Variants in ZFPM2 observed in about 807,000 individuals in gnomAD.
ZFPM2 encodes zinc finger protein, FOG family member 2.
A neutral mutation model predicts 98.6 loss-of-function variants in ZFPM2; 20 were observed. That is an observed-to-expected ratio of 0.20 (90% confidence interval 0.14 to 0.29). The LOEUF (loss-of-function observed/expected upper bound fraction) is 0.29, where lower values mean the gene tolerates loss of function less well. Ranked by LOEUF, ZFPM2 falls within the 10% of genes least tolerant of loss-of-function variation. The pLI is 1.00. For missense variants in ZFPM2, 1,310 were observed against 1,388.6 expected (o/e 0.94, Z 0.90); for synonymous variants, 518 against 502.7 (o/e 1.03, Z -0.41).
At chr8:105,726,156 C>T (rs1461529600) in intron 5 of ZFPM2, among the ~76,000 whole-genome samples, 1 of 151,330 alleles carries the variant, frequency 6.6e-6, no homozygotes, top group African/African-American at 2.4e-5. Context: ...CAGTAGGCTG[C>T]GTCTGGCTCA....
intron 3 of ZFPM2, among the ~76,000 whole-genome samples, chr8:105,466,205 G>A (rs1812793383): frequency 6.6e-6 from 1 of 151,880 alleles, no homozygotes; most frequent in African/African-American, 2.4e-5. Context: ...TAGGGGGATG[G>A]ATGTGTTAGC....
chr8:105,699,670 T>C (rs1811097223), intron 5 of ZFPM2, among the ~76,000 whole-genome samples: 1 of 152,166 alleles, frequency 6.6e-6, no homozygotes, highest in South Asian at 2.1e-4. Flanking sequence ...ATTAATGCGC[T>C]GTAACTGTGA....
At chr8:105,598,944 T>C (rs1263996872) in intron 4 of ZFPM2, among the ~76,000 whole-genome samples, 1 of 152,184 alleles carries the variant, frequency 6.6e-6, no homozygotes, top group African/African-American at 2.4e-5. Context: ...AGCAAGACAC[T>C]GCATGTGGTC....
intron 5 of ZFPM2, among the ~76,000 whole-genome samples, chr8:105,723,615 G>A (rs1379816854): frequency 6.6e-6 from 1 of 151,774 alleles, no homozygotes; most frequent in African/African-American, 2.4e-5. Flanking sequence ...AGAAAAAAAG[G>A]GTTCTCATTG....
At position 105,423,735 on chromosome 8, in the gene ZFPM2, T is replaced by A. The variant is rs113312301; in HGVS notation, c.199+4433T>A. 5.3e-3 allele frequency among the ~76,000 whole-genome samples: 814 copies of A among 152,220 alleles called. 4 individuals are homozygous for A. Among genetic ancestry groups the A allele is most frequent in the African/African-American group, 0.018 (762 of 41,526 alleles). Reference sequence around the variant, plus strand: ...AAACCAATATGAACAGAAATATAGGTGGTCTGGAAAGCAACCTTGGGAGTT... The same window carrying A: ...AAACCAATATGAACAGAAATATAGGAGGTCTGGAAAGCAACCTTGGGAGTT... On this transcript the variant is annotated intron_variant, in intron 2 of 7. Coordinates refer to ENST00000407775, the MANE Select transcript of ZFPM2 (RefSeq NM_012082.4).
At chr8:105,494,229 T>TATATATATAAA (rs1563684629) in intron 3 of ZFPM2, among the ~76,000 whole-genome samples, 2 of 85,978 alleles carry the variant, frequency 2.3e-5, no homozygotes, top group African/African-American at 8.4e-5. Context: ...ATATATATAA[T>TATATATATAAA]CTCAAACTCA....
At chr8:105,344,855 A>G (rs959428633) in intron 1 of ZFPM2, among the ~76,000 whole-genome samples, 2 of 152,220 alleles carry the variant, frequency 1.3e-5, no homozygotes, top group African/African-American at 4.8e-5. Flanking sequence ...TGAAGAAATC[A>G]TTAAAACTAA....
At position 105,342,470 on chromosome 8, in the gene ZFPM2, G is replaced by A. The variant is rs573598211; in HGVS notation, c.40+23489G>A. On this transcript the variant is annotated intron_variant, in intron 1 of 7. Transcript: ENST00000407775. The stretch of plus-strand genomic sequence containing the variant: ...TGAAATAAAAAGACTCAGAGCAGAC[G>A]GATTCAAGAGGAATGTGTGAGACAT... Among the ~76,000 whole-genome samples the A allele has an allele frequency of 7.6e-4, 116 of 152,042 alleles. 1 individual carries two copies. Among genetic ancestry groups the A allele is most frequent in the African/African-American group, 2.6e-3 (109 of 41,512 alleles).
intron 1 of ZFPM2, among the ~76,000 whole-genome samples, chr8:105,320,294 G>GTA (rs1266447421): frequency 6.6e-6 from 1 of 151,542 alleles, no homozygotes; most frequent in Admixed American, 6.6e-5. Context: ...GTGTGTGTGT[G>GTA]TGTGTCTGCT....
chr8:105,525,165 A>G (rs1814147932), intron 3 of ZFPM2, among the ~76,000 whole-genome samples: 1 of 152,114 alleles, frequency 6.6e-6, no homozygotes, highest in African/African-American at 2.4e-5. Flanking sequence ...ACAGACCGTC[A>G]CTAATATTTG....
intron 2 of ZFPM2, among the ~76,000 whole-genome samples, chr8:105,440,594 T>G (rs1398653915): frequency 6.6e-6 from 1 of 152,074 alleles, no homozygotes; most frequent in Non-Finnish European, 1.5e-5. Context: ...TGGGTGGGAC[T>G]AGGGAAACGA....
chr8:105,456,928 C>T (rs1056756232), intron 3 of ZFPM2, among the ~76,000 whole-genome samples: 1 of 152,202 alleles, frequency 6.6e-6, no homozygotes, highest in African/African-American at 2.4e-5. Flanking sequence ...GCTGGGATTA[C>T]AGACGTGAGC....
intron 1 of ZFPM2, among the ~76,000 whole-genome samples, chr8:105,379,322 TA>T (rs539732401): frequency 6.7e-4 from 102 of 152,158 alleles, no homozygotes; most frequent in African/African-American, 2.2e-3. Context: ...CATAAACAAT[TA>T]AAAAAAACTT....
At chr8:105,522,540 G>C (rs1414430467) in intron 3 of ZFPM2, among the ~76,000 whole-genome samples, 3 of 152,124 alleles carry the variant, frequency 2.0e-5, no homozygotes, top group Non-Finnish European at 4.4e-5. Context: ...GGGAGGACGA[G>C]GTGGGCAGAT....
chr8:105,664,363 CAG>C (rs1413006313), intron 5 of ZFPM2, among the ~76,000 whole-genome samples: 3 of 133,838 alleles, frequency 2.2e-5, no homozygotes, highest in Non-Finnish European at 3.2e-5. Context: ...GTGTGTGTGA[CAG>C]AGTTTCGTTC....
intron 5 of ZFPM2, among the ~76,000 whole-genome samples, chr8:105,742,442 A>T (rs1009255926): frequency 1.3e-4 from 19 of 150,622 alleles, no homozygotes; most frequent in Middle Eastern, 3.5e-3. Context: ...TTAGAACAAT[A>T]GGAGGTATAG....
intron 5 of ZFPM2, chr8:105,782,472 AGTGT>A (rs1363107673): frequency 2.6e-5 from 4 of 152,210 alleles, no homozygotes; most frequent in African/African-American, 9.6e-5. Context: ...CTTCACTATT[AGTGT>A]GTAATTCCTT....
intron 5 of ZFPM2, among the ~76,000 whole-genome samples, chr8:105,759,108 G>T (rs1245320694): frequency 6.6e-6 from 1 of 152,022 alleles, no homozygotes; most frequent in Non-Finnish European, 1.5e-5. Context: ...CATTTTATTT[G>T]CAGGCTCTAA....
intron 4 of ZFPM2, among the ~76,000 whole-genome samples, chr8:105,619,188 C>A (rs532388130): frequency 6.6e-6 from 1 of 151,896 alleles, no homozygotes; most frequent in East Asian, 1.9e-4. Context: ...TCATGAAAAT[C>A]CTTTCTGTTA....
Sources: allele counts gnomAD v4.1 joint callset (sites outside exome capture counted in the v4.1 genomes callset), GRCh38; gene constraint gnomAD v4.1.1; transcripts MANE v1.5; gene names NCBI Gene and HGNC (gene_info 2026-07-23, HGNC 2026-07-21).